The following NCKAP1 variants were observed in gnomAD, a reference collection of about 807,000 sequenced individuals.
NCKAP1 encodes the protein NCK associated protein 1, also known as nck-associated protein 1.
NCKAP1 carries 21 observed loss-of-function variants against 151.2 expected under a neutral mutation model. That is an observed-to-expected ratio of 0.14 (90% CI 0.10 to 0.20). The LOEUF is 0.20. Among genes scored for constraint, NCKAP1 ranks in the 10% least tolerant of loss-of-function variants. NCKAP1 has a pLI of 1.00. For missense variants in NCKAP1, 933 were observed against 1,352.1 expected (o/e 0.69, Z 4.86); for synonymous variants, 484 against 451.8 (o/e 1.07, Z -0.90).
At chr2:182,972,978 C>T (rs1697731048) in intron 15 of NCKAP1, among the ~76,000 whole-genome samples, 1 of 152,026 alleles carries the variant, frequency 6.6e-6, no homozygotes, top group African/African-American at 2.4e-5. Context: ...ACTAGTATAG[C>T]ACAATGGGGC....
rs142277024 is a variant in NCKAP1 at position 183,011,582 on chromosome 2, G to A, written c.220-8257C>T. On this transcript the variant is annotated intron_variant, in intron 2 of 30. Coordinates refer to ENST00000361354, the MANE Select transcript of NCKAP1 (RefSeq NM_013436.5). ...TAGCTTCACTTATTCATGTTATAGC[G>A]TTTATCGTAGTTTGTTCCTTTTAAT... Among the ~76,000 whole-genome samples, 20 of 152,230 alleles carry A rather than the reference G, an allele frequency of 1.3e-4. No homozygotes were observed. The East Asian group carries it at 3.3e-3, about 25-fold the overall frequency.
At chr2:183,027,390 T>C (rs1698918543) in intron 1 of NCKAP1, among the ~76,000 whole-genome samples, 1 of 152,196 alleles carries the variant, frequency 6.6e-6, no homozygotes, top group African/African-American at 2.4e-5. Context: ...CCATCTTATC[T>C]TTTTTCTAAA....
intron 23 of NCKAP1, among the ~76,000 whole-genome samples, chr2:182,947,789 G>C (rs114160509): frequency 0.019 from 2,951 of 152,188 alleles, 101 homozygotes; most frequent in African/African-American, 0.067. Flanking sequence ...AACTTTTAGA[G>C]ATTTATTTCA....
At chr2:182,963,725 T>C (rs1697502821) in intron 17 of NCKAP1, among the ~76,000 whole-genome samples, 1 of 152,116 alleles carries the variant, frequency 6.6e-6, no homozygotes, top group South Asian at 2.1e-4. Flanking sequence ...AGAAATTTGA[T>C]GGTGAGCAAA....
intron 15 of NCKAP1, among the ~76,000 whole-genome samples, chr2:182,967,783 T>C (rs762521045): frequency 1.3e-5 from 2 of 152,208 alleles, no homozygotes; most frequent in Non-Finnish European, 2.9e-5. Flanking sequence ...ACTGATTCAC[T>C]AAAAACTGGA....
intron 23 of NCKAP1, among the ~76,000 whole-genome samples, chr2:182,944,585 T>C (rs1462395798): frequency 6.6e-6 from 1 of 152,204 alleles, no homozygotes; most frequent in Non-Finnish European, 1.5e-5. Flanking sequence ...TACACGTACA[T>C]AGTGTTGATT....
In NCKAP1 at chr2:182,909,602, T is replaced by C. The variant is rs941932789; in HGVS notation, c.*16100A>G. The C allele has an allele frequency of 2.6e-5, 4 of 152,242 alleles. No homozygotes were observed. The highest frequency in any genetic ancestry group is 5.9e-5 in the Non-Finnish European group (4 of 68,036). The allele number at this position is 152,242 out of a possible 1,614,324, so 9.4% of individuals were successfully genotyped here. On this transcript the variant is annotated 3_prime_UTR_variant, in exon 31 of 31. Coordinates refer to ENST00000361354, the MANE Select transcript of NCKAP1 (RefSeq NM_013436.5). ...CTCATTTGTTTTTTGATTCATTTGT[T>C]GATGGACGCTCGGATTTACTGCCTT...
rs1349951758 is a variant in NCKAP1, at chr2:182,962,198, G to A, written c.1842C>T (p.Ile614=). Residue 614 remains isoleucine, a synonymous_variant, in exon 18 of 31, where the codon ATC becomes ATT. Coordinates refer to ENST00000361354, the MANE Select transcript of NCKAP1 (RefSeq NM_013436.5). ...TACACTGTTCTGTGCAAATATCAGTGATGAGATTTCGAGCTTGTTTGGCCA... is the reference window on the plus strand; with the variant it reads ...TACACTGTTCTGTGCAAATATCAGTAATGAGATTTCGAGCTTGTTTGGCCA... ...DEMAKQARNL[I]TDICTEQCTL... is the part of the protein sequence containing the mutation. 1 of 1,612,708 alleles carries A rather than the reference G, an allele frequency of 6.2e-7. No individual in the cohort carries two copies. Among genetic ancestry groups the A allele is most frequent in the Non-Finnish European group, 8.5e-7 (1 of 1,179,182 alleles).
intron 26 of NCKAP1, 31 bp from the exon 27 acceptor site, chr2:182,930,819 A>T: frequency 6.4e-7 from 1 of 1,560,526 alleles, no homozygotes; most frequent in Non-Finnish European, 8.8e-7. Flanking sequence ...ACAGAGCAAT[A>T]AATAGTCTAA....
chr2:182,967,799 T>C (rs2105839466), intron 15 of NCKAP1, among the ~76,000 whole-genome samples: 1 of 152,324 alleles, frequency 6.6e-6, no homozygotes, highest in African/African-American at 2.4e-5. Context: ...CTGGATCATA[T>C]AATACACTGT....
At position 183,038,153 on chromosome 2, in the gene NCKAP1, C is replaced by T; in HGVS notation, c.-54G>A. ...GCCGCCTCGCGCCCAGTCACGGGCCCGCGGCCTTCGCAGCAGCCTCTCTCG... is the reference window on the plus strand; with the variant it reads ...GCCGCCTCGCGCCCAGTCACGGGCCTGCGGCCTTCGCAGCAGCCTCTCTCG... On this transcript the variant is annotated 5_prime_UTR_variant, in exon 1 of 31. Coordinates refer to ENST00000361354, the MANE Select transcript of NCKAP1 (RefSeq NM_013436.5). 3 of 1,340,840 alleles carry T rather than the reference C, an allele frequency of 2.2e-6. No individual in the cohort carries two copies. The highest frequency in any genetic ancestry group is 1.4e-5 in the South Asian group (1 of 70,334). 83.1% of individuals were successfully genotyped at this position (1,340,840 alleles called of 1,614,324 possible).
chr2:182,949,550 C>A (rs1697174007), intron 23 of NCKAP1, among the ~76,000 whole-genome samples: 1 of 152,134 alleles, frequency 6.6e-6, no homozygotes, highest in Non-Finnish European at 1.5e-5. Context: ...GCCTGTAATC[C>A]CAGCACTTTA....
intron 2 of NCKAP1, among the ~76,000 whole-genome samples, chr2:183,016,505 C>T (rs1325323753): frequency 1.3e-5 from 2 of 152,164 alleles, no homozygotes; most frequent in Non-Finnish European, 2.9e-5. Context: ...TTCCTTAAAT[C>T]CTGGCAATGT....
intron 2 of NCKAP1, among the ~76,000 whole-genome samples, chr2:183,004,665 C>T (rs1020828022): frequency 1.3e-5 from 2 of 151,970 alleles, no homozygotes; most frequent in Non-Finnish European, 2.9e-5. Flanking sequence ...GGGTGGATCA[C>T]CTGAGGTCAG....
rs1443715189 is a variant in NCKAP1, at chr2:182,924,971, G to A, written c.*731C>T. The A allele has an allele frequency of 6.6e-6, 1 of 151,940 alleles. No individual in the cohort carries two copies. The highest frequency in any genetic ancestry group is 2.4e-5 in the African/African-American group (1 of 41,396). 9.4% of individuals were successfully genotyped at this position (151,940 alleles called of 1,614,324 possible). On this transcript the variant is annotated 3_prime_UTR_variant, in exon 31 of 31. Transcript: ENST00000361354. The stretch of plus-strand genomic sequence containing the variant: ...TAAAACATATATAAAAAGTGGTTAG[G>A]GACTAACATTTGTATCAACAGTTGA...
At position 182,957,489 on chromosome 2, in the gene NCKAP1, C is replaced by T. The variant is rs1278242757; in HGVS notation, c.1989G>A (p.Glu663=). Residue 663 remains glutamate (E), a synonymous_variant, in exon 19 of 31, where the codon GAG becomes GAA. Transcript: ENST00000361354. ...CAACCAGCCTGTTTTTCCTCATGCT[C>T]TCAACACCTGGTTTCTCCCTTTCAG... is the stretch of plus-strand genomic sequence containing the variant. ...GEPEREKPGV[E]SMRKNRLVVT... 1 of 1,613,954 alleles carries T rather than the reference C, an allele frequency of 6.2e-7. No homozygotes were observed. The highest frequency in any genetic ancestry group is 1.7e-5 in the Admixed American group (1 of 60,000).
chr2:182,938,373 G>A (rs1409424893), intron 24 of NCKAP1, among the ~76,000 whole-genome samples: 3 of 152,046 alleles, frequency 2.0e-5, no homozygotes, highest in African/African-American at 7.2e-5. Flanking sequence ...AAAAGTATTG[G>A]CAAATAAAGA....
chr2:183,000,081 C>T (rs1458753311), intron 6 of NCKAP1, among the ~76,000 whole-genome samples: 2 of 152,056 alleles, frequency 1.3e-5, no homozygotes, highest in African/African-American at 4.8e-5. Flanking sequence ...CATTAGAAGC[C>T]CAAACCCAGC....
chr2:183,023,266 T>C lies in NCKAP1; in HGVS notation c.219+540A>G, dbSNP rs569136424. ...GATTCTGAACATGACCATTCTTCAG[T>C]ATACTAAGAAAAAACTTTCCCATAT... On this transcript the variant is annotated intron_variant, in intron 2 of 30. Transcript: ENST00000361354. 1.2e-4 allele frequency among the ~76,000 whole-genome samples: 18 copies of C among 152,192 alleles called. No homozygotes were observed. In the East Asian group the frequency reaches 2.7e-3, roughly 23 times the overall value.
Sources: allele counts gnomAD v4.1 joint callset (sites outside exome capture counted in the v4.1 genomes callset), GRCh38; gene constraint gnomAD v4.1.1; transcripts MANE v1.5; gene names NCBI Gene and HGNC (gene_info 2026-07-23, HGNC 2026-07-21).